The following RIMS2 variants were observed in gnomAD, a reference collection of about 807,000 sequenced individuals.
RIMS2 encodes the protein regulating synaptic membrane exocytosis 2.
RIMS2 carries 59 observed loss-of-function variants against 174.4 expected under a neutral mutation model. The observed-to-expected ratio is 0.34, with a 90% CI of 0.27 to 0.42. RIMS2 has a LOEUF of 0.42. RIMS2 is among the 10% of genes least tolerant of loss of function. RIMS2 has a pLI of 1.00. For synonymous variants in RIMS2, 606 were observed against 572.5 expected, an observed-to-expected ratio of 1.06 and a Z score of -0.84; for missense variants, 1,620 against 1,666.3, an observed-to-expected ratio of 0.97 and a Z score of 0.48.
chr8:103,625,565 A>T (rs2095761404), intron 1 of RIMS2, among the ~76,000 whole-genome samples: 1 of 152,324 alleles, frequency 6.6e-6, no homozygotes, highest in South Asian at 2.1e-4. Flanking sequence ...ACAACATATA[A>T]AGGGAGAATT....
At chr8:103,673,973 T>G (rs190325462) in intron 1 of RIMS2, among the ~76,000 whole-genome samples, 1 of 152,324 alleles carries the variant, frequency 6.6e-6, no homozygotes, top group African/African-American at 2.4e-5. Flanking sequence ...CTTGAACTTT[T>G]TGCTGCTTAG....
chr8:104,091,241 A>G (rs1162416132), intron 19 of RIMS2, among the ~76,000 whole-genome samples: 2 of 151,824 alleles, frequency 1.3e-5, no homozygotes, highest in Non-Finnish European at 3.0e-5. Context: ...TACTACTGCT[A>G]GAGTTAAAAC....
At chr8:104,191,305 C>T (rs551960963) in intron 19 of RIMS2, among the ~76,000 whole-genome samples, 1 of 152,168 alleles carries the variant, frequency 6.6e-6, no homozygotes, top group South Asian at 2.1e-4. Context: ...CAAAATATAG[C>T]TGTTTTAAAT....
At chr8:103,893,260 A>G (rs991954161) in intron 4 of RIMS2, among the ~76,000 whole-genome samples, 5 of 152,102 alleles carry the variant, frequency 3.3e-5, no homozygotes, top group Non-Finnish European at 2.9e-5. Context: ...GTACAGGAGT[A>G]AAATCTTGGA....
chr8:103,993,784 T>C (rs763613886), intron 17 of RIMS2, among the ~76,000 whole-genome samples: 2 of 152,082 alleles, frequency 1.3e-5, no homozygotes, highest in Non-Finnish European at 1.5e-5. Flanking sequence ...GCCAGAACTT[T>C]GGGAGGTTTA....
intron 19 of RIMS2, among the ~76,000 whole-genome samples, chr8:104,034,725 C>T (rs1320195348): frequency 6.6e-6 from 1 of 151,998 alleles, no homozygotes; most frequent in Non-Finnish European, 1.5e-5. Context: ...CCACCTCAGC[C>T]TCCCAAAGTG....
At chr8:104,191,540 A>T (rs899103138) in intron 19 of RIMS2, among the ~76,000 whole-genome samples, 5 of 152,172 alleles carry the variant, frequency 3.3e-5, no homozygotes, top group Admixed American at 2.6e-4. Context: ...AGCAGGAAGT[A>T]TATTGAAAAT....
chr8:103,902,037 A>G (rs1041621337), intron 4 of RIMS2, among the ~76,000 whole-genome samples: 3 of 152,202 alleles, frequency 2.0e-5, no homozygotes, highest in Admixed American at 6.5e-5. Context: ...CTACAGTTAC[A>G]ATCAAGTTGT....
At chr8:103,522,353 A>C (rs1832127571) in intron 1 of RIMS2, among the ~76,000 whole-genome samples, 1 of 152,130 alleles carries the variant, frequency 6.6e-6, no homozygotes. Context: ...TGATACTTTG[A>C]TTAACAATTC....
chr8:103,863,896 TTTGTTTTTTTTG>T (rs1248688456), intron 3 of RIMS2, among the ~76,000 whole-genome samples: 1 of 122,910 alleles, frequency 8.1e-6, no homozygotes, highest in Non-Finnish European at 1.7e-5. Flanking sequence ...AGTTTTTTTT[TTTGTTTTTTTTG>T]TTTGTTTGTT....
chr8:103,564,749 C>T (rs1261502081), intron 1 of RIMS2, among the ~76,000 whole-genome samples: 3 of 152,160 alleles, frequency 2.0e-5, no homozygotes, highest in Non-Finnish European at 4.4e-5. Flanking sequence ...GGTGCCCACC[C>T]AGATTGAGGG....
intron 1 of RIMS2, among the ~76,000 whole-genome samples, chr8:103,593,613 T>G (rs1419171237): frequency 5.3e-5 from 8 of 151,532 alleles, no homozygotes; most frequent in Non-Finnish European, 1.0e-4. Flanking sequence ...TATTAGGACA[T>G]GTAGAACACA....
At chr8:103,704,798 A>G (rs2097205940) in intron 2 of RIMS2, among the ~76,000 whole-genome samples, 2 of 151,766 alleles carry the variant, frequency 1.3e-5, no homozygotes, top group Non-Finnish European at 2.9e-5. Context: ...TTGTATTTTC[A>G]TGGTATCAGT....
chr8:104,206,891 T>C (rs1005525571), intron 19 of RIMS2, among the ~76,000 whole-genome samples: 1 of 152,208 alleles, frequency 6.6e-6, no homozygotes, highest in African/African-American at 2.4e-5. Flanking sequence ...AAGGTAGTTC[T>C]GTATGGAAGA....
chr8:104,017,413 G>T (rs1477627103), intron 19 of RIMS2, among the ~76,000 whole-genome samples: 1 of 151,844 alleles, frequency 6.6e-6, no homozygotes, highest in African/African-American at 2.4e-5. Flanking sequence ...ATTTTAGTCT[G>T]TTATATATTT....
chr8:103,760,699 TG>T (rs1384597272), intron 2 of RIMS2, among the ~76,000 whole-genome samples: 1 of 152,218 alleles, frequency 6.6e-6, no homozygotes, highest in Admixed American at 6.5e-5. Context: ...ATGGTGGGAC[TG>T]CATTCCTTTT....
intron 1 of RIMS2, among the ~76,000 whole-genome samples, chr8:103,610,865 T>G (rs1486196866): frequency 1.3e-5 from 2 of 152,110 alleles, no homozygotes; most frequent in Admixed American, 6.5e-5. Context: ...AGGAGTTCAT[T>G]CACAATTTTC....
At chr8:103,943,321 T>C (rs2082975002) in intron 14 of RIMS2, among the ~76,000 whole-genome samples, 1 of 152,188 alleles carries the variant, frequency 6.6e-6, no homozygotes, top group Admixed American at 6.5e-5. Flanking sequence ...TTTATGAATA[T>C]GTAGTATACC....
intron 1 of RIMS2, among the ~76,000 whole-genome samples, chr8:103,600,173 C>A (rs1312844667): frequency 6.6e-6 from 1 of 152,130 alleles, no homozygotes; most frequent in East Asian, 1.9e-4. Context: ...GCCTGTCTTA[C>A]CCCCAGTTGC....
Sources: gnomAD v4.1 joint callset for allele counts (sites outside exome capture counted in the v4.1 genomes callset) on GRCh38, gnomAD v4.1.1 for gene constraint, MANE v1.5 for transcripts, NCBI Gene and HGNC (gene_info 2026-07-23, HGNC 2026-07-21) for gene names.